TERF2: variants seen among roughly 807,000 people sequenced by gnomAD.
The protein encoded by TERF2 is telomeric repeat-binding factor 2.
In TERF2, 16 loss-of-function variants were observed where a neutral mutation model predicts 56.1. The ratio of observed to expected loss-of-function variants is 0.29; its 90% confidence interval spans 0.19 to 0.43. The LOEUF is 0.43. Among genes scored for constraint, TERF2 ranks in the 20% least tolerant of loss-of-function variants. The probability of loss-of-function intolerance (pLI) is 1.00; values close to 1 mark genes in which losing one functional copy is unlikely to be tolerated. For missense variants in TERF2, 547 were observed against 712.9 expected (o/e 0.77, Z 2.65); for synonymous variants, 296 against 282.1 (o/e 1.05, Z -0.50).
At position 69,367,115 on chromosome 16, in the gene TERF2, C is replaced by T. The variant is rs1567447259; in HGVS notation, c.1032G>A (p.Glu344=). 6.2e-7 allele frequency: 1 copy of T among 1,614,086 alleles called. No homozygotes were observed. Among genetic ancestry groups the T allele is most frequent in the Non-Finnish European group, 8.5e-7 (1 of 1,180,046 alleles). ...TCTGGTCCAGTTTTGCAAAGGCTGC[C>T]TCAGAATCCTGTGCACCAGACAGAG... ...FKTLSGAQDS[E]AAFAKLDQKD... Residue 344 remains glutamate, a synonymous_variant, in exon 7 of 10, where the codon GAG becomes GAA. Coordinates refer to ENST00000254942, the MANE Select transcript of TERF2 (RefSeq NM_005652.5).
At chr16:69,366,649 A>G (rs2013355774) in intron 7 of TERF2, 158 bp downstream of exon 7, 1 of 954,444 alleles carries the variant, frequency 1.0e-6, no homozygotes, top group East Asian at 2.7e-5. Context: ...AGGGATGGCT[A>G]CGTCGTCACT....
Position 69,372,365 on chromosome 16 carries a change from A to T in TERF2, c.607-10T>A. 6.3e-7 allele frequency: 1 copy of T among 1,577,406 alleles called. No individual in the cohort carries two copies. Among genetic ancestry groups the T allele is most frequent in the South Asian group, 1.2e-5 (1 of 86,380 alleles). Reference sequence around the variant, plus strand: ...TACAAATAATGACAGCCTAAAAAGGAGGGGAAAAATCTTTTTTTACTTTTG... The same window carrying T: ...TACAAATAATGACAGCCTAAAAAGGTGGGGAAAAATCTTTTTTTACTTTTG... On this transcript the variant is annotated splice_polypyrimidine_tract_variant and intron_variant, in intron 3 of 9. Transcript: ENST00000254942.
At chr16:69,374,815 A>C (rs2142749907) in intron 3 of TERF2, among the ~76,000 whole-genome samples, 1 of 152,066 alleles carries the variant, frequency 6.6e-6, no homozygotes, top group East Asian at 1.9e-4. Flanking sequence ...AAATACAAAA[A>C]TTAGACGGGC....
intron 7 of TERF2, 74 bp from the exon 8 acceptor site, chr16:69,361,563 C>T: frequency 1.9e-6 from 2 of 1,070,364 alleles, no homozygotes; most frequent in Non-Finnish European, 2.9e-6. Flanking sequence ...GGTCTTGGCT[C>T]ACTCTTGGCC....
Position 69,385,464 on chromosome 16 carries a change from C to A in TERF2, c.402G>T (p.Gly134=), listed in dbSNP as rs2014159709. Residue 134 remains glycine, a synonymous_variant, in exon 2 of 10, where the codon GGG becomes GGT. Transcript: ENST00000254942. ...IMQALLVRPL[G]KEHTVSRLLR... ...GCAATCGGGACACGGTGTGCTCCTT[C>A]CCCAAGGGCCTGACAAGCAAAGCTG... 1.2e-6 allele frequency: 2 copies of A among 1,613,996 alleles called. No homozygotes were observed. Among genetic ancestry groups the A allele is most frequent in the African/African-American group, 2.7e-5 (2 of 74,928 alleles).
chr16:69,377,101 G>T (rs62057893), intron 3 of TERF2, among the ~76,000 whole-genome samples: 69 of 151,646 alleles, frequency 4.6e-4, no homozygotes, highest in Admixed American at 7.9e-4. Context: ...TCCTCAGGAG[G>T]CTGAGGCATG....
rs1269483035 is a variant in TERF2, at chr16:69,356,526, C to T, written c.*372G>A. 5 of 265,272 alleles carry T rather than the reference C, an allele frequency of 1.9e-5. No homozygotes were observed. Among genetic ancestry groups the T allele is most frequent in the African/African-American group, 2.3e-5 (1 of 44,134 alleles). The allele number at this position is 265,272 out of a possible 1,614,324, so 16.4% of individuals were successfully genotyped here. A position where few individuals can be genotyped will look rare whatever the true frequency, so the allele number is the denominator to read the frequency against. On this transcript the variant is annotated 3_prime_UTR_variant, in exon 10 of 10. Transcript: ENST00000254942. ...TCTGAAAGAAACAGCAGATGCCAGG[C>T]GCGGTGGCTCATGCCTGTAATCCCA...
At chr16:69,382,952 T>C (rs1387439265) in intron 3 of TERF2, among the ~76,000 whole-genome samples, 1 of 152,174 alleles carries the variant, frequency 6.6e-6, no homozygotes, top group African/African-American at 2.4e-5. Context: ...TGGTGGAGAC[T>C]GGAAAAGGAG....
At chr16:69,365,991 G>C (rs1041119837) in intron 7 of TERF2, 3 of 152,338 alleles carry the variant, frequency 2.0e-5, no homozygotes, top group African/African-American at 7.2e-5. Flanking sequence ...TCTCCTCTGT[G>C]TAATGGGGCT....
intron 8 of TERF2, among the ~76,000 whole-genome samples, chr16:69,360,606 G>T (rs2013099276): frequency 6.7e-6 from 1 of 150,292 alleles, no homozygotes; most frequent in African/African-American, 2.5e-5. Flanking sequence ...TACTCCAGAG[G>T]CTAAGGTGGG....
Position 69,385,905 on chromosome 16 carries a change from A to G in TERF2, c.67T>C (p.Ser23Pro), listed in dbSNP as rs768540672. ...CGGCCGGGCCGCTTCCTCGGCTGTGACGCCGCTGGGTCACGCACGACGCCC... is the reference window on the plus strand; with the variant it reads ...CGGCCGGGCCGCTTCCTCGGCTGTGGCGCCGCTGGGTCACGCACGACGCCC... ...GPGVVRDPAASQPRKRPGREG... is the reference protein window; with the variant it reads ...GPGVVRDPAAPQPRKRPGREG... The change falls in exon 1 of 10, where the codon TCA becomes CCA. Residue 23 changes from serine (S) to proline (P), a missense_variant. By Grantham distance (74) the Ser-to-Pro change is moderately conservative. Coordinates refer to ENST00000254942, the MANE Select transcript of TERF2 (RefSeq NM_005652.5). 2 of 1,381,574 alleles carry G rather than the reference A, an allele frequency of 1.4e-6. No homozygotes were observed. Among genetic ancestry groups the G allele is most frequent in the South Asian group, 1.6e-5 (1 of 63,632 alleles). The allele number at this position is 1,381,574 out of a possible 1,614,324, so 85.6% of individuals were successfully genotyped here.
In TERF2 at chr16:69,377,482, C is replaced by T. The variant is rs548330287; in HGVS notation, c.607-5127G>A. Among the ~76,000 whole-genome samples the T allele has an allele frequency of 2.6e-5, 4 of 152,178 alleles. No individual in the cohort carries two copies. In the East Asian group the frequency reaches 7.8e-4, roughly 30 times the overall value. On this transcript the variant is annotated intron_variant, in intron 3 of 9. Coordinates refer to ENST00000254942, the MANE Select transcript of TERF2 (RefSeq NM_005652.5). ...AGCTGGGACTACAGGCGCATGCCAC[C>T]ATGCCCAGCTAATTTTTGTATTTTT...
intron 7 of TERF2, among the ~76,000 whole-genome samples, chr16:69,364,591 A>G (rs1326969762): frequency 1.3e-5 from 2 of 151,720 alleles, no homozygotes; most frequent in Non-Finnish European, 2.9e-5. Context: ...GTATTCTCCT[A>G]CCATAGGCTC....
chr16:69,369,110 G>GTTCATCTGTCTCCCTTT (rs764070208), intron 5 of TERF2, among the ~76,000 whole-genome samples: 2 of 148,364 alleles, frequency 1.3e-5, no homozygotes, highest in Non-Finnish European at 3.0e-5. Flanking sequence ...AGGCTAATCA[G>GTTCATCTGTCTCCCTTT]GGCTCTTTGT....
chr16:69,381,033 GA>G (rs1259165044), intron 3 of TERF2, among the ~76,000 whole-genome samples: 1 of 152,026 alleles, frequency 6.6e-6, no homozygotes, highest in Non-Finnish European at 1.5e-5. Context: ...TCAAACTCCT[GA>G]CCTCAGGTGA....
Position 69,365,362 on chromosome 16 carries a change from A to C in TERF2, c.1340+1445T>G, listed in dbSNP as rs188910283. 5 of 152,384 alleles carry C rather than the reference A, an allele frequency of 3.3e-5. No individual in the cohort carries two copies. In the East Asian group the frequency reaches 9.6e-4, roughly 29 times the overall value. The allele number at this position is 152,384 out of a possible 1,614,324, so 9.4% of individuals were successfully genotyped here. ...ATCTGTGCCTGAGGATAAATCACTT[A>C]TCAGATGCCACAGCCCTTTGGGGCA... is the stretch of plus-strand genomic sequence containing the variant. On this transcript the variant is annotated intron_variant, in intron 7 of 9. Coordinates refer to ENST00000254942, the MANE Select transcript of TERF2 (RefSeq NM_005652.5).
chr16:69,374,601 C>T (rs1266662489), intron 3 of TERF2, among the ~76,000 whole-genome samples: 1 of 126,570 alleles, frequency 7.9e-6, no homozygotes, highest in Non-Finnish European at 1.6e-5. Context: ...CCAGCCTGGG[C>T]AGTAAAGCGA....
intron 8 of TERF2, 87 bp downstream of exon 8, chr16:69,361,317 G>A: frequency 1.1e-6 from 1 of 926,202 alleles, no homozygotes; most frequent in South Asian, 1.4e-5. Flanking sequence ...TCGGAGACAA[G>A]CAGCTTCTGG....
chr16:69,364,844 C>G (rs2013279541), intron 7 of TERF2: 1 of 152,146 alleles, frequency 6.6e-6, no homozygotes, highest in South Asian at 2.1e-4. Context: ...GACACTGACC[C>G]TTTTTTTCTG....
Sources: allele counts gnomAD v4.1 joint callset (sites outside exome capture counted in the v4.1 genomes callset), GRCh38; gene constraint gnomAD v4.1.1; transcripts MANE v1.5; gene names NCBI Gene and HGNC (gene_info 2026-07-23, HGNC 2026-07-21).